OLFML2B: variants seen among roughly 807,000 people sequenced by gnomAD.
OLFML2B encodes the protein olfactomedin like 2B, also known as olfactomedin-like protein 2B.
In OLFML2B, 57 loss-of-function variants were observed where a neutral mutation model predicts 74.9. The ratio of observed to expected loss-of-function variants is 0.76; its 90% CI spans 0.61 to 0.95. The LOEUF is 0.95. OLFML2B is among the 40% of genes least tolerant of loss of function. The pLI is 0.00. For missense variants in OLFML2B, 986 were observed against 970.6 expected (o/e 1.02, Z -0.21); for synonymous variants, 388 against 405.8 (o/e 0.96, Z 0.53).
intron 6 of OLFML2B, among the ~76,000 whole-genome samples, chr1:161,990,295 A>G (rs1339841016): frequency 1.3e-5 from 2 of 152,254 alleles, no homozygotes; most frequent in African/African-American, 4.8e-5. Context: ...TAAAACTAAC[A>G]TTGCACAATA....
chr1:162,010,807 T>G (rs968516937), intron 3 of OLFML2B, among the ~76,000 whole-genome samples: 1 of 152,002 alleles, frequency 6.6e-6, no homozygotes, highest in Non-Finnish European at 1.5e-5. Flanking sequence ...CATGGCCTAC[T>G]TATATAACCA....
chr1:162,007,500 C>T (rs2101969696), intron 3 of OLFML2B, among the ~76,000 whole-genome samples: 1 of 152,330 alleles, frequency 6.6e-6, no homozygotes, highest in East Asian at 1.9e-4. Flanking sequence ...TCTAAAGTTT[C>T]CATGAGCATC....
At chr1:162,004,489 A>G (rs1257491556) in intron 4 of OLFML2B, among the ~76,000 whole-genome samples, 3 of 152,174 alleles carry the variant, frequency 2.0e-5, no homozygotes, top group East Asian at 1.9e-4. Context: ...TGGAATTTTT[A>G]TTTTGAGTTA....
chr1:162,011,721 T>G (rs75156667), intron 3 of OLFML2B, among the ~76,000 whole-genome samples: 1,949 of 152,240 alleles, frequency 0.013, 31 homozygotes, highest in Middle Eastern at 0.061. Flanking sequence ...AGCTTGCCCT[T>G]AAGAAGTCCA....
rs532001174 is a variant in OLFML2B, at chr1:161,986,766, A to G, written c.1475-1786T>C. ...GCACTGAGGTGAGCCCTAGCTCACC[A>G]TGAGGATTGCCATCACCGGGCAATC... is the stretch of plus-strand genomic sequence containing the variant. On this transcript the variant is annotated intron_variant, in intron 6 of 7. Coordinates refer to ENST00000294794, the MANE Select transcript of OLFML2B (RefSeq NM_015441.3). 2.0e-5 allele frequency among the ~76,000 whole-genome samples: 3 copies of G among 152,350 alleles called. No individual in the cohort carries two copies. The East Asian group carries it at 5.8e-4, about 29-fold the overall frequency.
intron 4 of OLFML2B, among the ~76,000 whole-genome samples, chr1:162,003,466 G>A (rs557240335): frequency 6.6e-6 from 1 of 152,350 alleles, no homozygotes; most frequent in Admixed American, 6.5e-5. Context: ...CAAGGAGATG[G>A]AGCAAGACCA....
At chr1:162,008,022 G>C (rs919388928) in intron 3 of OLFML2B, among the ~76,000 whole-genome samples, 1 of 152,138 alleles carries the variant, frequency 6.6e-6, no homozygotes. Context: ...TCCCGGGTGC[G>C]CAGTCACTCC....
chr1:162,007,314 T>C (rs940100408), intron 3 of OLFML2B, among the ~76,000 whole-genome samples: 25 of 152,236 alleles, frequency 1.6e-4, no homozygotes, highest in African/African-American at 5.1e-4. Context: ...AAATGTGAGG[T>C]TTCCTGAGTT....
At chr1:161,993,144 C>T (rs138034938) in intron 6 of OLFML2B, among the ~76,000 whole-genome samples, 15 of 152,338 alleles carry the variant, frequency 9.8e-5, no homozygotes, top group Admixed American at 3.9e-4. Context: ...ATATTTACTA[C>T]TCGGCATGGC....
intron 6 of OLFML2B, among the ~76,000 whole-genome samples, chr1:161,986,731 C>T (rs186925757): frequency 7.4e-4 from 112 of 152,338 alleles, no homozygotes; most frequent in South Asian, 1.5e-3. Context: ...GAGGACGCCA[C>T]GCTCCTTCTG....
intron 3 of OLFML2B, among the ~76,000 whole-genome samples, chr1:162,008,137 C>A (rs1690284463): frequency 6.6e-6 from 1 of 152,126 alleles, no homozygotes; most frequent in Admixed American, 6.6e-5. Flanking sequence ...AGATCTCAGG[C>A]ACATTACTGA....
intron 6 of OLFML2B, among the ~76,000 whole-genome samples, chr1:161,991,709 C>T (rs1340242945): frequency 2.6e-5 from 4 of 152,214 alleles, no homozygotes; most frequent in African/African-American, 7.2e-5. Flanking sequence ...GCATTCCAGC[C>T]TTGGTGACAG....
At chr1:161,996,747 G>A (rs915551024) in intron 6 of OLFML2B, among the ~76,000 whole-genome samples, 4 of 152,030 alleles carry the variant, frequency 2.6e-5, no homozygotes, top group East Asian at 1.9e-4. Flanking sequence ...ACTGCTCTGC[G>A]TTCTCTTGGG....
intron 3 of OLFML2B, among the ~76,000 whole-genome samples, chr1:162,011,346 G>A (rs879349253): frequency 4.6e-5 from 7 of 152,174 alleles, no homozygotes; most frequent in Non-Finnish European, 7.4e-5. Flanking sequence ...AAGTGTGAGG[G>A]TAACTGGACC....
intron 6 of OLFML2B, among the ~76,000 whole-genome samples, chr1:161,989,945 A>C (rs1203350406): frequency 6.6e-6 from 1 of 152,224 alleles, no homozygotes; most frequent in African/African-American, 2.4e-5. Context: ...GTGTTCTAAG[A>C]AACACAAATG....
chr1:162,011,416 GGA>G (rs1448101052), intron 3 of OLFML2B, among the ~76,000 whole-genome samples: 1 of 152,196 alleles, frequency 6.6e-6, no homozygotes, highest in Non-Finnish European at 1.5e-5. Context: ...GCACCCTCCA[GGA>G]GACAGCTACG....
At chr1:162,007,027 T>A (rs10918438) in intron 3 of OLFML2B, among the ~76,000 whole-genome samples, 2 of 152,094 alleles carry the variant, frequency 1.3e-5, no homozygotes, top group Non-Finnish European at 2.9e-5. Context: ...AGAAAATTGA[T>A]AGGCTGGCTT....
At chr1:161,996,003 C>G (rs944599453) in intron 6 of OLFML2B, among the ~76,000 whole-genome samples, 1 of 152,260 alleles carries the variant, frequency 6.6e-6, no homozygotes, top group South Asian at 2.1e-4. Context: ...AGGCAGTCTG[C>G]AGAAACACAG....
At chr1:162,013,374 C>T (rs1329623095) in intron 3 of OLFML2B, among the ~76,000 whole-genome samples, 1 of 152,096 alleles carries the variant, frequency 6.6e-6, no homozygotes, top group Non-Finnish European at 1.5e-5. Context: ...TTCAGACCTC[C>T]CCCAGTGAAC....
Sources: allele counts gnomAD v4.1 joint callset (sites outside exome capture counted in the v4.1 genomes callset), GRCh38; gene constraint gnomAD v4.1.1; transcripts MANE v1.5; gene names NCBI Gene and HGNC (gene_info 2026-07-23, HGNC 2026-07-21).